The following SRGAP1 variants were observed in gnomAD, a reference collection of about 807,000 sequenced individuals.
SRGAP1 encodes the protein SLIT-ROBO Rho GTPase activating protein 1.
In SRGAP1, 43 loss-of-function variants were observed where a neutral mutation model predicts 121.9. The observed-to-expected ratio is 0.35, with a 90% confidence interval of 0.28 to 0.46. SRGAP1 has a LOEUF of 0.46. Among genes scored for constraint, SRGAP1 ranks in the 20% least tolerant of loss-of-function variants. The pLI is 1.00. For missense variants in SRGAP1, 1,102 were observed against 1,350.9 expected, an observed-to-expected ratio of 0.82 and a Z score of 2.89; for synonymous variants, 447 against 485.4, an observed-to-expected ratio of 0.92 and a Z score of 1.04.
rs1210219186 is a variant in SRGAP1 at position 64,146,332 on chromosome 12, A to C, written c.*3660A>C. 2 of 152,184 alleles carry C rather than the reference A, an allele frequency of 1.3e-5. No individual in the cohort carries two copies. The highest frequency in any genetic ancestry group is 2.9e-5 in the Non-Finnish European group (2 of 68,034). 9.4% of individuals were successfully genotyped at this position (152,184 alleles called of 1,614,324 possible). A position where few individuals can be genotyped will look rare whatever the true frequency, so the allele number is the denominator to read the frequency against. On this transcript the variant is annotated 3_prime_UTR_variant, in exon 22 of 22. Coordinates refer to ENST00000355086, the MANE Select transcript of SRGAP1 (RefSeq NM_020762.4). ...AGTGGATATAGTGCTCCAAGAGTCA[A>C]ATTGTATCCGTTAAGGGTTTTCTAA... is the stretch of plus-strand genomic sequence containing the variant.
At chr12:63,943,921 T>C (rs1253356709) in intron 1 of SRGAP1, among the ~76,000 whole-genome samples, 2 of 152,204 alleles carry the variant, frequency 1.3e-5, no homozygotes, top group Non-Finnish European at 2.9e-5. Context: ...CAAGAATGTA[T>C]ATTAAATTAT....
Position 64,161,865 on chromosome 12 carries a change from T to C in SRGAP1, c.*19193T>C, listed in dbSNP as rs763572656. 23 of 152,330 alleles carry C rather than the reference T, an allele frequency of 1.5e-4. No homozygotes were observed. Among genetic ancestry groups the C allele is most frequent in the Non-Finnish European group, 3.1e-4 (21 of 68,028 alleles). 9.4% of individuals were successfully genotyped at this position (152,330 alleles called of 1,614,324 possible). A position where few individuals can be genotyped will look rare whatever the true frequency, so the allele number is the denominator to read the frequency against. ...AAGCAAATGTGGTATATTGATACAA[T>C]GGAATACTATTCTGTAATGAAGATG... On this transcript the variant is annotated 3_prime_UTR_variant, in exon 22 of 22. Transcript: ENST00000355086.
At chr12:63,965,535 G>A (rs921803382) in intron 1 of SRGAP1, among the ~76,000 whole-genome samples, 10 of 152,008 alleles carry the variant, frequency 6.6e-5, no homozygotes, top group Non-Finnish European at 1.2e-4. Flanking sequence ...GCTGGGTGTG[G>A]TAGCTCACAC....
intron 1 of SRGAP1, among the ~76,000 whole-genome samples, chr12:63,894,402 A>C (rs1900684422): frequency 6.6e-6 from 1 of 151,518 alleles, no homozygotes; most frequent in African/African-American, 2.4e-5. Context: ...TTATTGCTCT[A>C]ATATTGGTAA....
At chr12:64,002,942 CA>C (rs1236324543) in intron 3 of SRGAP1, among the ~76,000 whole-genome samples, 1 of 148,896 alleles carries the variant, frequency 6.7e-6, no homozygotes, top group Non-Finnish European at 1.5e-5. Context: ...ATGAGTAAAA[CA>C]ATTGATAAAC....
At chr12:63,979,055 T>TC (rs1177167559) in intron 1 of SRGAP1, among the ~76,000 whole-genome samples, 1 of 146,062 alleles carries the variant, frequency 6.8e-6, no homozygotes, top group Non-Finnish European at 1.5e-5. Flanking sequence ...TTTTTTTTTT[T>TC]TTTTTTTGAG....
intron 15 of SRGAP1, among the ~76,000 whole-genome samples, chr12:64,105,302 C>T (rs1424950798): frequency 6.6e-6 from 1 of 152,146 alleles, no homozygotes; most frequent in Non-Finnish European, 1.5e-5. Context: ...TGTTTATCCA[C>T]TCATCTGTCG....
chr12:64,095,343 CATTA>C, intron 14 of SRGAP1, 139 bp downstream of exon 14: 1 of 688,442 alleles, frequency 1.5e-6, no homozygotes, highest in South Asian at 1.9e-5. Flanking sequence ...AGTAAGAATC[CATTA>C]AGAATCGCTG....
intron 1 of SRGAP1, among the ~76,000 whole-genome samples, chr12:63,906,289 A>G (rs77215683): frequency 1.7e-4 from 25 of 151,294 alleles, no homozygotes; most frequent in African/African-American, 5.3e-4. Context: ...CTTTTTTTTA[A>G]TAGTTCTTTT....
rs2037131171 is a variant in SRGAP1 at position 64,152,756 on chromosome 12, TA to T, written c.*10085del. ...ATCATTCCAAACCCAACAAAATGGT[TA>T]CATCCTTCATGAAGGGTTCCCCAAA... On this transcript the variant is annotated 3_prime_UTR_variant, in exon 22 of 22. Transcript: ENST00000355086. 1 of 152,062 alleles carries T rather than the reference TA, an allele frequency of 6.6e-6. No individual in the cohort carries two copies. The highest frequency in any genetic ancestry group is 6.6e-5 in the Admixed American group (1 of 15,266). The allele number at this position is 152,062 out of a possible 1,614,324, so 9.4% of individuals were successfully genotyped here. A position where few individuals can be genotyped will look rare whatever the true frequency, so the allele number is the denominator to read the frequency against.
At chr12:64,024,576 TC>T (rs1354740794) in intron 4 of SRGAP1, among the ~76,000 whole-genome samples, 3 of 152,240 alleles carry the variant, frequency 2.0e-5, no homozygotes, top group African/African-American at 7.2e-5. Flanking sequence ...CTTCTAAGGA[TC>T]CATGTCTTGC....
chr12:63,920,413 G>A (rs1310724460), intron 1 of SRGAP1, among the ~76,000 whole-genome samples: 3 of 152,160 alleles, frequency 2.0e-5, no homozygotes, highest in Non-Finnish European at 4.4e-5. Flanking sequence ...ATAAAGAGAA[G>A]TGAGCTGGAG....
chr12:63,917,004 G>C (rs1201649556), intron 1 of SRGAP1, among the ~76,000 whole-genome samples: 1 of 152,088 alleles, frequency 6.6e-6, no homozygotes, highest in Non-Finnish European at 1.5e-5. Context: ...TTCTGCTGTG[G>C]TCTCACCTTG....
At chr12:64,008,397 C>G (rs2034151458) in intron 3 of SRGAP1, among the ~76,000 whole-genome samples, 1 of 152,120 alleles carries the variant, frequency 6.6e-6, no homozygotes, top group African/African-American at 2.4e-5. Flanking sequence ...GGTACCTTTA[C>G]TTACATCCAT....
chr12:64,001,660 A>G (rs1340045941), intron 3 of SRGAP1, among the ~76,000 whole-genome samples: 2 of 152,208 alleles, frequency 1.3e-5, no homozygotes, highest in Non-Finnish European at 2.9e-5. Flanking sequence ...TCCAATTGCC[A>G]GCTGACCCCA....
In SRGAP1 at chr12:64,144,664, C is replaced by T. The variant is rs1418292109; in HGVS notation, c.*1992C>T. 6.6e-6 allele frequency: 1 copy of T among 151,852 alleles called. No individual in the cohort carries two copies. The highest frequency in any genetic ancestry group is 1.5e-5 in the Non-Finnish European group (1 of 68,006). The allele number at this position is 151,852 out of a possible 1,614,324, so 9.4% of individuals were successfully genotyped here. A position where few individuals can be genotyped will look rare whatever the true frequency, so the allele number is the denominator to read the frequency against. On this transcript the variant is annotated 3_prime_UTR_variant, in exon 22 of 22. Transcript: ENST00000355086. ...TTTTTGCCCATTTTGAAAAAGAAGCCCAGGACAGCACCTTGTCTAGCCCCT... is the reference window on the plus strand; with the variant it reads ...TTTTTGCCCATTTTGAAAAAGAAGCTCAGGACAGCACCTTGTCTAGCCCCT...
In SRGAP1 at chr12:64,111,966, T is replaced by G. The variant is rs763532876; in HGVS notation, c.2124T>G (p.Cys708Trp). 6.2e-7 allele frequency: 1 copy of G among 1,613,884 alleles called. No individual in the cohort carries two copies. Among genetic ancestry groups the G allele is most frequent in the Non-Finnish European group, 8.5e-7 (1 of 1,179,840 alleles). The change falls in exon 17 of 22, where the codon TGT becomes TGG. Residue 708 changes from cysteine to tryptophan, a missense_variant. Physicochemically the swap from Cys to Trp is radical, Grantham distance 215. Coordinates refer to ENST00000355086, the MANE Select transcript of SRGAP1 (RefSeq NM_020762.4). ...KELDGPVYEK[C>W]MAGDDYCDSP... is the part of the protein sequence containing the mutation. ...TGGATGGCCCTGTTTATGAGAAATG[T>G]ATGGCTGGAGATGACTATTGGTAAG...
At chr12:64,020,010 A>G (rs1347945811) in intron 4 of SRGAP1, among the ~76,000 whole-genome samples, 1 of 152,218 alleles carries the variant, frequency 6.6e-6, no homozygotes, top group African/African-American at 2.4e-5. Context: ...GAAGTATACT[A>G]ACTTCCATAT....
intron 1 of SRGAP1, among the ~76,000 whole-genome samples, chr12:63,981,368 AAAAC>A (rs1253866375): frequency 6.6e-6 from 1 of 151,968 alleles, no homozygotes; most frequent in East Asian, 1.9e-4. Context: ...AACAAAAACA[AAAAC>A]AAACAAAAAA....
Sources: allele counts gnomAD v4.1 joint callset (sites outside exome capture counted in the v4.1 genomes callset), GRCh38; gene constraint gnomAD v4.1.1; transcripts MANE v1.5; gene names NCBI Gene and HGNC (gene_info 2026-07-23, HGNC 2026-07-21).